HABP4: variants seen among roughly 807,000 people sequenced by gnomAD.
The protein encoded by HABP4 is hyaluronan binding protein 4, also known as intracellular hyaluronan-binding protein 4.
HABP4 carries 32 observed loss-of-function variants against 44.1 expected under a neutral mutation model. That is an observed-to-expected ratio of 0.73 (90% confidence interval 0.55 to 0.97). HABP4 has a LOEUF of 0.97. Ranked by LOEUF, HABP4 falls within the 50% of genes least tolerant of loss-of-function variation. HABP4 has a pLI of 0.00. For synonymous variants in HABP4, 216 were observed against 218.0 expected (o/e 0.99, Z 0.08); for missense variants, 503 against 561.9 (o/e 0.90, Z 1.06).
rs1832251145 is a variant in HABP4 at position 96,450,531 on chromosome 9, C to T, written c.252C>T (p.Gly84=). Residue 84 remains glycine (G), a synonymous_variant, in exon 1 of 8, where the codon GGC becomes GGT. Transcript: ENST00000375249. The surrounding 1 kb of genome is among the most constrained non-coding windows in gnomAD (Gnocchi z 4.8). The stretch of plus-strand genomic sequence containing the variant: ...CCGGGGCCTCGGGCCACAGAGCCGG[C>T]GCGGGCGGCCGGAGGGAGTCGCAGA... ...SPAGASGHRA[G]AGGRRESQKE... 4.9e-6 allele frequency: 6 copies of T among 1,232,466 alleles called. No individual in the cohort carries two copies. The Admixed American group carries it at 1.3e-4, about 26-fold the overall frequency. 76.3% of individuals were successfully genotyped at this position (1,232,466 alleles called of 1,614,324 possible).
intron 5 of HABP4, 183 bp from the exon 6 acceptor site, chr9:96,484,279 A>T (rs1832932058): frequency 1.9e-6 from 1 of 522,206 alleles, no homozygotes; most frequent in Non-Finnish European, 3.4e-6. Context: ...GTTGGCAGTG[A>T]TGACATAAAA....
Position 96,490,184 on chromosome 9 carries a change from C to CTGT in HABP4, c.*148_*150dup, listed in dbSNP as rs1275930549. On this transcript the variant is annotated 3_prime_UTR_variant, in exon 8 of 8. Transcript: ENST00000375249. ...ATTTGTTGCACTTTTTTGGGCTGAG[C>CTGT]TGTTAGAGGGGCTTCTCCAGAGGCT... is the stretch of plus-strand genomic sequence containing the variant. 36 of 645,612 alleles carry CTGT rather than the reference C, an allele frequency of 5.6e-5. No individual in the cohort carries two copies. The highest frequency in any genetic ancestry group is 9.0e-5 in the Non-Finnish European group (32 of 355,020). The allele number at this position is 645,612 out of a possible 1,614,324, so 40.0% of individuals were successfully genotyped here. A position where few individuals can be genotyped will look rare whatever the true frequency, so the allele number is the denominator to read the frequency against.
rs549469323 is a variant in HABP4 at position 96,470,758 on chromosome 9, G to A, written c.744-253G>A. ...AAAATACAAAAAAAATTAGCTGGGC[G>A]TGGTGGTGGACGCCTGTAATCCCAG... On this transcript the variant is annotated intron_variant, in intron 4 of 7. Coordinates refer to ENST00000375249, the MANE Select transcript of HABP4 (RefSeq NM_014282.4). Among the ~76,000 whole-genome samples, 211 of 151,894 alleles carry A rather than the reference G, an allele frequency of 1.4e-3. 2 individuals carry two copies. Among genetic ancestry groups the A allele is most frequent in the Middle Eastern group, 6.8e-3 (2 of 292 alleles).
At chr9:96,477,921 C>A (rs889896086) in intron 5 of HABP4, among the ~76,000 whole-genome samples, 2 of 152,164 alleles carry the variant, frequency 1.3e-5, no homozygotes, top group Non-Finnish European at 2.9e-5. Flanking sequence ...GATTAGTTTG[C>A]AGTTGCTATA....
chr9:96,464,234 A>G (rs1832557541), intron 2 of HABP4, among the ~76,000 whole-genome samples: 1 of 152,204 alleles, frequency 6.6e-6, no homozygotes, highest in South Asian at 2.1e-4. Context: ...GGAGATGTCT[A>G]GGAAGTAACT....
intron 6 of HABP4, among the ~76,000 whole-genome samples, chr9:96,485,432 G>A (rs575597126): frequency 1.3e-5 from 2 of 152,296 alleles, no homozygotes; most frequent in South Asian, 2.1e-4. Context: ...GCAGCTTTGC[G>A]CCCCCTGCCT....
At chr9:96,473,560 C>G (rs761583836) in intron 5 of HABP4, among the ~76,000 whole-genome samples, 2 of 152,162 alleles carry the variant, frequency 1.3e-5, no homozygotes, top group South Asian at 2.1e-4. Context: ...GTCATGCCCC[C>G]ACCCCTTGCT....
Position 96,489,973 on chromosome 9 carries a change from T to C in HABP4, c.1186-9T>C, listed in dbSNP as rs1457948259. On this transcript the variant is annotated splice_polypyrimidine_tract_variant and intron_variant, in intron 7 of 7. Transcript: ENST00000375249. ...CAGTGGATTTCAAAGTATTTCTTTTTTTCTTTAGATGCAAGATGTTGCCCC... is the reference window on the plus strand; with the variant it reads ...CAGTGGATTTCAAAGTATTTCTTTTCTTCTTTAGATGCAAGATGTTGCCCC... The C allele has an allele frequency of 6.4e-7, 1 of 1,556,460 alleles. No homozygotes were observed. The highest frequency in any genetic ancestry group is 1.4e-5 in the African/African-American group (1 of 73,954).
chr9:96,485,671 G>A (rs1481358321), intron 6 of HABP4, among the ~76,000 whole-genome samples: 1 of 152,190 alleles, frequency 6.6e-6, no homozygotes, highest in African/African-American at 2.4e-5. Context: ...GGGTCATCAA[G>A]TCCCCGACTT....
chr9:96,465,678 C>A, intron 3 of HABP4, 32 bp from the exon 4 acceptor site: 1 of 1,459,274 alleles, frequency 6.9e-7, no homozygotes, highest in Non-Finnish European at 9.6e-7. Flanking sequence ...AGACTAGCTT[C>A]TGGTTTAAGG....
At chr9:96,478,167 C>T (rs540760807) in intron 5 of HABP4, among the ~76,000 whole-genome samples, 45 of 152,214 alleles carry the variant, frequency 3.0e-4, no homozygotes, top group African/African-American at 1.1e-3. Flanking sequence ...GAGTCTCACT[C>T]TGTCACCCAG....
At chr9:96,467,555 T>G (rs1283529307) in intron 4 of HABP4, among the ~76,000 whole-genome samples, 2 of 145,980 alleles carry the variant, frequency 1.4e-5, no homozygotes, top group Non-Finnish European at 3.0e-5. Context: ...AGACGGAGTC[T>G]CACTCTGTCA....
rs149970543 is a variant in HABP4 at position 96,452,706 on chromosome 9, T to C, written c.349+2078T>C. Among the ~76,000 whole-genome samples the C allele has an allele frequency of 7.9e-5, 12 of 152,280 alleles. No individual in the cohort carries two copies. In the East Asian group the frequency reaches 2.3e-3, roughly 29 times the overall value. On this transcript the variant is annotated intron_variant, in intron 1 of 7. Transcript: ENST00000375249. ...GTTACTGTACTAAATTTATCTATAA[T>C]GGGTGTCAAGGAGCTATTCTCTCAA...
intron 2 of HABP4, among the ~76,000 whole-genome samples, chr9:96,464,896 TTTAAC>T (rs1255424979): frequency 2.0e-5 from 3 of 152,186 alleles, no homozygotes; most frequent in African/African-American, 4.8e-5. Context: ...ACATTCCAAA[TTTAAC>T]TTAAAGATTT....
At chr9:96,474,035 C>T (rs1461801671) in intron 5 of HABP4, among the ~76,000 whole-genome samples, 1 of 152,080 alleles carries the variant, frequency 6.6e-6, no homozygotes, top group Admixed American at 6.6e-5. Context: ...TGTGTGTGTG[C>T]GTGCGTTTAT....
intron 4 of HABP4, among the ~76,000 whole-genome samples, chr9:96,466,436 A>G (rs1044947856): frequency 2.0e-5 from 3 of 152,162 alleles, no homozygotes; most frequent in Admixed American, 6.6e-5. Context: ...AGATCTCACT[A>G]TGTTGCCCAC....
intron 4 of HABP4, among the ~76,000 whole-genome samples, chr9:96,468,230 A>G (rs1473904784): frequency 6.7e-6 from 1 of 149,798 alleles, no homozygotes; most frequent in Non-Finnish European, 1.5e-5. Context: ...CTACAGGCGC[A>G]TGCCACCACA....
At chr9:96,465,554 G>C in intron 3 of HABP4, 56 bp downstream of exon 3, 1 of 1,273,542 alleles carries the variant, frequency 7.9e-7, no homozygotes, top group South Asian at 1.2e-5. Flanking sequence ...CACGTGGTAT[G>C]AATCTATTAT....
chr9:96,452,995 A>G (rs1346577935), intron 1 of HABP4, among the ~76,000 whole-genome samples: 1 of 125,798 alleles, frequency 7.9e-6, no homozygotes, highest in Non-Finnish European at 1.5e-5. Flanking sequence ...ATCTCGGTTC[A>G]CTGCAACCTC....
Sources: allele counts gnomAD v4.1 joint callset (sites outside exome capture counted in the v4.1 genomes callset), GRCh38; gene constraint gnomAD v4.1.1; non-coding constraint Gnocchi (gnomAD v3.1); transcripts MANE v1.5; gene names NCBI Gene and HGNC (gene_info 2026-07-23, HGNC 2026-07-21).